PDXDC1: variants seen among roughly 807,000 people sequenced by gnomAD.
The protein encoded by PDXDC1 is pyridoxal dependent decarboxylase domain containing 1.
A neutral mutation model predicts 100.1 loss-of-function variants in PDXDC1; 42 were observed. The ratio of observed to expected loss-of-function variants is 0.42; its 90% CI spans 0.33 to 0.54. PDXDC1 has a LOEUF of 0.54. Ranked by LOEUF, PDXDC1 falls within the 20% of genes least tolerant of loss-of-function variation. The pLI is 0.10. For missense variants in PDXDC1, 636 were observed against 979.2 expected (o/e 0.65, Z 4.68); for synonymous variants, 260 against 371.7 (o/e 0.70, Z 3.46).
intron 16 of PDXDC1, among the ~76,000 whole-genome samples, chr16:15,102,126 A>G (rs1474693332): frequency 2.6e-5 from 4 of 152,044 alleles, no homozygotes; most frequent in Non-Finnish European, 5.9e-5. Flanking sequence ...GATTACAGGC[A>G]TGAGCCACTG....
At chr16:15,046,970 CCACCCAA>C (rs2151712714) in intron 16 of PDXDC1, among the ~76,000 whole-genome samples, 1 of 152,140 alleles carries the variant, frequency 6.6e-6, no homozygotes, top group East Asian at 1.9e-4. Context: ...CCCCGCCTCA[CCACCCAA>C]CACCCCATCT....
intron 16 of PDXDC1, among the ~76,000 whole-genome samples, chr16:15,097,703 A>C (rs2046406069): frequency 6.6e-6 from 1 of 151,666 alleles, no homozygotes; most frequent in Non-Finnish European, 1.5e-5. Context: ...TAAGAAGCCG[A>C]ACATTAACTA....
intron 16 of PDXDC1, chr16:15,135,609 C>T (rs1474533152): frequency 3.1e-5 from 47 of 1,502,932 alleles, no homozygotes; most frequent in Middle Eastern, 2.4e-4. Flanking sequence ...TGGGTGTGGA[C>T]GGGTGAGGGG....
chr16:15,062,307 C>T (rs1292350235), intron 16 of PDXDC1, among the ~76,000 whole-genome samples: 1 of 152,180 alleles, frequency 6.6e-6, no homozygotes, highest in Non-Finnish European at 1.5e-5. Context: ...ACGAGTCATT[C>T]TTGCCCAGTG....
chr16:15,143,199 C>T (rs971473737), downstream of PDXDC1, among the ~76,000 whole-genome samples: 5 of 152,274 alleles, frequency 3.3e-5, no homozygotes, highest in Admixed American at 1.3e-4. Flanking sequence ...TGGGACCCAG[C>T]GGGCTCCTTA....
intron 16 of PDXDC1, chr16:15,047,731 A>G (rs1015797222): frequency 5.3e-6 from 5 of 947,820 alleles, no homozygotes; most frequent in Non-Finnish European, 8.6e-6. Context: ...CACCATGCAG[A>G]CCAGAAAAAA....
At chr16:15,029,061 G>A in intron 15 of PDXDC1, 95 bp downstream of exon 15, 1 of 1,400,672 alleles carries the variant, frequency 7.1e-7, no homozygotes, top group East Asian at 2.5e-5. Context: ...TATGGGAACT[G>A]AGGCCCACAG....
chr16:15,029,703 G>A (rs1387202913), intron 15 of PDXDC1: 2 of 576,654 alleles, frequency 3.5e-6, no homozygotes, highest in Non-Finnish European at 6.1e-6. Context: ...TATATTGTGG[G>A]TCATTGTTAT....
At chr16:15,080,315 A>C (rs1409950440) in intron 16 of PDXDC1, among the ~76,000 whole-genome samples, 3 of 152,212 alleles carry the variant, frequency 2.0e-5, no homozygotes, top group Non-Finnish European at 4.4e-5. Context: ...TTGCATAACT[A>C]TAGGTTTTTA....
At chr16:15,015,765 A>G (rs2041746871) in intron 8 of PDXDC1, 2 of 377,486 alleles carry the variant, frequency 5.3e-6, no homozygotes, top group African/African-American at 4.3e-5. Flanking sequence ...ACTTTAAAAT[A>G]TATAAAGGAA....
rs891987384 is a variant in PDXDC1, at chr16:15,065,449, C to T, written c.1399+35393C>T. On this transcript the variant is annotated intron_variant, in intron 16 of 16. Transcript: ENST00000535621. Reference sequence around the variant, plus strand: ...CGGTGCAGATGTGAGCTGCGTGTGACAACTGTACCTACCACAGAGAAATTG... The same window carrying T: ...CGGTGCAGATGTGAGCTGCGTGTGATAACTGTACCTACCACAGAGAAATTG... 7 of 1,242,308 alleles carry T rather than the reference C, an allele frequency of 5.6e-6. No homozygotes were observed. The African/African-American group carries it at 9.0e-5, about 16-fold the overall frequency. 77.0% of individuals were successfully genotyped at this position (1,242,308 alleles called of 1,614,324 possible). A position where few individuals can be genotyped will look rare whatever the true frequency, so the allele number is the denominator to read the frequency against.
intron 1 of PDXDC1, chr16:14,976,892 A>G (rs1304606900): frequency 2.0e-5 from 3 of 152,326 alleles, no homozygotes; most frequent in Admixed American, 2.0e-4. Context: ...GGTGTTATCA[A>G]TTTCCTAAGA....
intron 14 of PDXDC1, among the ~76,000 whole-genome samples, chr16:15,027,088 T>C (rs2151595919): frequency 6.6e-6 from 1 of 152,414 alleles, no homozygotes; most frequent in African/African-American, 2.4e-5. Context: ...ACTCTTTTTT[T>C]ACCTGGTTGG....
chr16:14,986,393 C>G (rs1404976255), intron 1 of PDXDC1, among the ~76,000 whole-genome samples: 1 of 152,364 alleles, frequency 6.6e-6, no homozygotes, highest in African/African-American at 2.4e-5. Context: ...CACTTGAACC[C>G]GGGAGGCGGA....
At chr16:14,983,114 G>A (rs1384019591) in intron 1 of PDXDC1, among the ~76,000 whole-genome samples, 2 of 152,108 alleles carry the variant, frequency 1.3e-5, no homozygotes, top group South Asian at 2.1e-4. Context: ...AGAGGCCTCT[G>A]AAATAAGTCC....
Position 15,125,546 on chromosome 16 carries a change from C to G in PDXDC1, c.1400-13333C>G, listed in dbSNP as rs961894988. On this transcript the variant is annotated intron_variant, in intron 16 of 16. Coordinates refer to the PDXDC1 transcript ENST00000535621. Reference sequence around the variant, plus strand: ...AGGGCTCGAGGTTTCTCTAGGGGAACCCACCTCTTAGAATCATCCAGAAAC... The same window carrying G: ...AGGGCTCGAGGTTTCTCTAGGGGAAGCCACCTCTTAGAATCATCCAGAAAC... 6.3e-6 allele frequency: 10 copies of G among 1,586,248 alleles called. No individual in the cohort carries two copies. The African/African-American group carries it at 1.1e-4, about 17-fold the overall frequency.
chr16:15,014,959 C>G (rs1401298321), intron 8 of PDXDC1, among the ~76,000 whole-genome samples: 19 of 152,282 alleles, frequency 1.2e-4, no homozygotes. Context: ...GTTTTTTGAG[C>G]TGGAGTCTTG....
chr16:15,130,068 C>A (rs2047966129), intron 16 of PDXDC1: 2 of 1,453,604 alleles, frequency 1.4e-6, no homozygotes, highest in African/African-American at 1.4e-5. Context: ...TTTACATCCG[C>A]TGTCGGCTCC....
chr16:15,122,823 G>GGGGGA (rs2047493172), intron 16 of PDXDC1, among the ~76,000 whole-genome samples: 1 of 36,948 alleles, frequency 2.7e-5, no homozygotes, highest in Admixed American at 3.8e-4. Flanking sequence ...GAGTTGGGGA[G>GGGGGA]GGGGAGGGGA....
Sources: gnomAD v4.1 joint callset for allele counts (sites outside exome capture counted in the v4.1 genomes callset) on GRCh38, gnomAD v4.1.1 for gene constraint, MANE v1.5 for transcripts, NCBI Gene and HGNC (gene_info 2026-07-23, HGNC 2026-07-21) for gene names.